Variants in SLC27A2 observed in about 807,000 individuals in gnomAD.
SLC27A2 encodes the protein solute carrier family 27 member 2, also known as long-chain fatty acid transport protein 2.
SLC27A2 carries 54 observed loss-of-function variants against 60.0 expected under a neutral mutation model. That is an observed-to-expected ratio of 0.90 (90% CI 0.72 to 1.13). SLC27A2 has a LOEUF of 1.13. SLC27A2 is among the 50% of genes most tolerant of loss of function. The pLI, the probability that SLC27A2 is intolerant of heterozygous loss-of-function variation, is 0.00. For synonymous variants in SLC27A2, 297 were observed against 297.6 expected (o/e 1.00, Z 0.02); for missense variants, 739 against 777.6 (o/e 0.95, Z 0.59).
chr15:50,196,067 AAAAAAAAAAAATATATATATATATAT>A (rs2045015582), intron 1 of SLC27A2, among the ~76,000 whole-genome samples: 1 of 24,120 alleles, frequency 4.1e-5, no homozygotes, highest in African/African-American at 1.2e-4. Flanking sequence ...AAAAAAAAAA[AAAAAAAAAAAATATATATATATATAT>A]ATATATATAT....
At chr15:50,232,610 G>T (rs1255927443) in intron 8 of SLC27A2, among the ~76,000 whole-genome samples, 1 of 151,968 alleles carries the variant, frequency 6.6e-6, no homozygotes, top group African/African-American at 2.4e-5. Context: ...GACCTGACAG[G>T]CCCATTTGCC....
At chr15:50,208,938 T>C (rs2045134020) in intron 4 of SLC27A2, among the ~76,000 whole-genome samples, 1 of 152,180 alleles carries the variant, frequency 6.6e-6, no homozygotes, top group Non-Finnish European at 1.5e-5. Flanking sequence ...AAGTTATTTA[T>C]TGGAGCATGA....
intron 4 of SLC27A2, among the ~76,000 whole-genome samples, chr15:50,208,744 A>C (rs1052431430): frequency 2.0e-5 from 3 of 152,178 alleles, no homozygotes; most frequent in Non-Finnish European, 2.9e-5. Context: ...CTACTGACTT[A>C]AGTGATTTTT....
intron 1 of SLC27A2, among the ~76,000 whole-genome samples, chr15:50,187,568 G>A (rs888285151): frequency 1.3e-5 from 2 of 152,040 alleles, no homozygotes; most frequent in Non-Finnish European, 2.9e-5. Flanking sequence ...TCACTGGCAG[G>A]GTATACACTG....
At chr15:50,234,267 G>A (rs557211446) in intron 9 of SLC27A2, among the ~76,000 whole-genome samples, 122 of 152,240 alleles carry the variant, frequency 8.0e-4, no homozygotes, top group African/African-American at 2.6e-3. Context: ...GCAACGTAGT[G>A]AGACTTCATG....
chr15:50,206,147 C>A (rs951281748), intron 4 of SLC27A2, among the ~76,000 whole-genome samples: 1 of 152,088 alleles, frequency 6.6e-6, no homozygotes, highest in Admixed American at 6.6e-5. Flanking sequence ...CTTTGCCGCG[C>A]GGACTTATTC....
chr15:50,226,865 T>TA (rs2045281893), intron 6 of SLC27A2, 115 bp from the exon 7 acceptor site: 4 of 740,958 alleles, frequency 5.4e-6, no homozygotes, highest in Admixed American at 2.8e-5. Context: ...TGGAAAATGA[T>TA]ACTTCCTACA....
At chr15:50,183,896 TC>T (rs527239821) in intron 1 of SLC27A2, among the ~76,000 whole-genome samples, 1 of 148,920 alleles carries the variant, frequency 6.7e-6, no homozygotes, top group African/African-American at 2.4e-5. Context: ...CATATCACTA[TC>T]CCCACCACCA....
Position 50,235,441 on chromosome 15 carries a change from T to G in SLC27A2, c.1687-479T>G, listed in dbSNP as rs1387950356. ...TAGGCACCACCCCTCTGCTCAGAAA[T>G]CTATGCACAGGTATCTCATCCTTGG... On this transcript the variant is annotated intron_variant, in intron 9 of 9. Coordinates refer to ENST00000267842, the MANE Select transcript of SLC27A2 (RefSeq NM_003645.4). Among the ~76,000 whole-genome samples, 14 of 152,144 alleles carry G rather than the reference T, an allele frequency of 9.2e-5. 1 individual carries two copies. The highest frequency in any genetic ancestry group is 7.9e-4 in the Admixed American group (12 of 15,278).
chr15:50,222,189 G>A (rs1168203403), intron 4 of SLC27A2, among the ~76,000 whole-genome samples: 1 of 152,024 alleles, frequency 6.6e-6, no homozygotes, highest in African/African-American at 2.4e-5. Context: ...TTTACTTACA[G>A]CAAATCATAT....
intron 5 of SLC27A2, among the ~76,000 whole-genome samples, chr15:50,224,477 C>T (rs966965863): frequency 6.6e-6 from 1 of 152,120 alleles, no homozygotes; most frequent in African/African-American, 2.4e-5. Context: ...TGAAAAGGCC[C>T]TTAGAGGCTA....
intron 8 of SLC27A2, among the ~76,000 whole-genome samples, chr15:50,232,655 G>A (rs2045323857): frequency 6.6e-6 from 1 of 152,110 alleles, no homozygotes; most frequent in Non-Finnish European, 1.5e-5. Context: ...AGAGCAAGAA[G>A]CAAGGAGACG....
chr15:50,196,053 C>CAAAAAAAAA (rs1163958587), intron 1 of SLC27A2, among the ~76,000 whole-genome samples: 1 of 1,822 alleles, frequency 5.5e-4, no homozygotes, highest in African/African-American at 1.1e-3. Context: ...GACTCTGTCT[C>CAAAAAAAAA]AAAAAAAAAA....
At chr15:50,195,194 C>T (rs915445439) in intron 1 of SLC27A2, among the ~76,000 whole-genome samples, 1 of 151,738 alleles carries the variant, frequency 6.6e-6, no homozygotes, top group African/African-American at 2.4e-5. Context: ...GGGCCAGGTG[C>T]TGTAGCTGAT....
chr15:50,231,232 C>T (rs1452335403), intron 8 of SLC27A2, among the ~76,000 whole-genome samples: 1 of 150,722 alleles, frequency 6.6e-6, no homozygotes, highest in East Asian at 1.9e-4. Context: ...GTAACCTCTG[C>T]CTCCCATGTT....
chr15:50,234,264 AG>A (rs1368196857), intron 9 of SLC27A2, among the ~76,000 whole-genome samples: 3 of 152,122 alleles, frequency 2.0e-5, no homozygotes, highest in Admixed American at 2.0e-4. Context: ...TAGGCAACGT[AG>A]TGAGACTTCA....
At chr15:50,233,787 G>C in intron 8 of SLC27A2, 81 bp from the exon 9 acceptor site, 1 of 1,288,728 alleles carries the variant, frequency 7.8e-7, no homozygotes, top group South Asian at 1.6e-5. Context: ...TATAAATGTT[G>C]TCTGAGCCCA....
chr15:50,226,798 GTGTA>G (rs973117907), intron 6 of SLC27A2, among the ~76,000 whole-genome samples, 178 bp from the exon 7 acceptor site: 1 of 152,140 alleles, frequency 6.6e-6, no homozygotes, highest in African/African-American at 2.4e-5. Context: ...TGTGTGTGTG[GTGTA>G]TGTATGTGTG....
At position 50,205,378 on chromosome 15, in the gene SLC27A2, G is replaced by A. The variant is rs373800720; in HGVS notation, c.972+15G>A. On this transcript the variant is annotated intron_variant, in intron 4 of 9. Coordinates refer to ENST00000267842, the MANE Select transcript of SLC27A2 (RefSeq NM_003645.4). ...ACTCACCACAGGTAACACTCCCCCCGTTTTACTATCATTTTGAAATGGGTA... is the reference window on the plus strand; with the variant it reads ...ACTCACCACAGGTAACACTCCCCCCATTTTACTATCATTTTGAAATGGGTA... 6.4e-5 allele frequency: 102 copies of A among 1,593,754 alleles called. No individual in the cohort carries two copies. The highest frequency in any genetic ancestry group is 6.1e-4 in the East Asian group (27 of 44,388).
Sources: allele counts gnomAD v4.1 joint callset (sites outside exome capture counted in the v4.1 genomes callset), GRCh38; gene constraint gnomAD v4.1.1; transcripts MANE v1.5; gene names NCBI Gene and HGNC (gene_info 2026-07-23, HGNC 2026-07-21).